The following PRKAR1A variants were observed in gnomAD, a reference collection of about 807,000 sequenced individuals.
PRKAR1A encodes protein kinase cAMP-dependent type I regulatory subunit alpha.
A neutral mutation model predicts 52.0 loss-of-function variants in PRKAR1A; 3 were observed. That is an observed-to-expected ratio of 0.06 (90% CI 0.03 to 0.15). PRKAR1A has a LOEUF of 0.15. Ranked by LOEUF, PRKAR1A falls within the 10% of genes least tolerant of loss-of-function variation. PRKAR1A has a pLI of 1.00. For missense variants in PRKAR1A, 240 were observed against 477.4 expected, an observed-to-expected ratio of 0.50 and a Z score of 4.63; for synonymous variants, 188 against 168.4, an observed-to-expected ratio of 1.12 and a Z score of -0.90.
intron 2 of PRKAR1A, among the ~76,000 whole-genome samples, chr17:68,516,009 G>C (rs972276997): frequency 3.3e-5 from 5 of 152,118 alleles, no homozygotes; most frequent in African/African-American, 1.2e-4. Context: ...AATGAAACAT[G>C]AATCTAGCTT....
chr17:68,426,093 A>G, the PRKAR1A span: 2 of 1,612,496 alleles, frequency 1.2e-6, no homozygotes, highest in Non-Finnish European at 1.7e-6. Flanking sequence ...ACTCATTCTC[A>G]TCATCAAGAC....
the PRKAR1A span, chr17:68,444,660 C>G: frequency 7.8e-7 from 1 of 1,281,592 alleles, no homozygotes; most frequent in South Asian, 1.3e-5. Context: ...CCAAATCATT[C>G]ATCTTTCATA....
the PRKAR1A span, among the ~76,000 whole-genome samples, chr17:68,464,791 C>T: frequency 2.0e-5 from 3 of 151,792 alleles, no homozygotes; most frequent in Non-Finnish European, 2.9e-5. Flanking sequence ...TTTCATAGAA[C>T]GAGGTGTAAG....
At chr17:68,417,398 G>A in the PRKAR1A span, among the ~76,000 whole-genome samples, 58,488 of 152,040 alleles carry the variant, frequency 0.38, 12,764 homozygotes, top group African/African-American at 0.61. Flanking sequence ...TTTTTCTCCA[G>A]TATTTACTGT....
the PRKAR1A span, among the ~76,000 whole-genome samples, chr17:68,449,641 C>T: frequency 6.6e-6 from 1 of 152,176 alleles, no homozygotes; most frequent in Non-Finnish European, 1.5e-5. Flanking sequence ...TGGTCCTGCT[C>T]CTGCCACGTA....
the PRKAR1A span, among the ~76,000 whole-genome samples, chr17:68,443,286 T>G: frequency 6.6e-6 from 1 of 152,064 alleles, no homozygotes; most frequent in African/African-American, 2.4e-5. Context: ...AATTTTTGTA[T>G]TTTTTTGGTA....
chr17:68,523,056 G>T, intron 3 of PRKAR1A, 130 bp downstream of exon 3: 1 of 1,133,906 alleles, frequency 8.8e-7, no homozygotes, highest in Non-Finnish European at 1.2e-6. Flanking sequence ...CAATTCTTGG[G>T]TACTGGAAAA....
chr17:68,450,420 G>A, the PRKAR1A span, among the ~76,000 whole-genome samples: 3 of 152,184 alleles, frequency 2.0e-5, no homozygotes, highest in African/African-American at 7.2e-5. Context: ...TGGCTCATGG[G>A]ACTGTCCAAG....
At chr17:68,459,539 T>C in the PRKAR1A span, among the ~76,000 whole-genome samples, 3 of 152,104 alleles carry the variant, frequency 2.0e-5, no homozygotes, top group Non-Finnish European at 4.4e-5. Context: ...GATCTAGAAG[T>C]CTTTAGGGGA....
chr17:68,546,658 G>A (rs2086580185), intron 11 of PRKAR1A, among the ~76,000 whole-genome samples: 1 of 152,102 alleles, frequency 6.6e-6, no homozygotes, highest in South Asian at 2.1e-4. Flanking sequence ...GTGAAACCCT[G>A]TCTCTACTAA....
rs578214713 is a variant in PRKAR1A at position 68,518,468 on chromosome 17, G to A, written c.177+2892G>A. 4.6e-5 allele frequency among the ~76,000 whole-genome samples: 7 copies of A among 152,360 alleles called. No homozygotes were observed. In the South Asian group the frequency reaches 1.4e-3, roughly 32 times the overall value. On this transcript the variant is annotated intron_variant, in intron 2 of 10. Transcript: ENST00000589228. ...TGCACCCACAGGCCCAGCACCACTT[G>A]TAAGCCACCAGGGCTTGGGGCTTGC...
At chr17:68,545,101 T>A (rs992312773) in intron 11 of PRKAR1A, among the ~76,000 whole-genome samples, 9 of 152,234 alleles carry the variant, frequency 5.9e-5, no homozygotes, top group African/African-American at 2.2e-4. Flanking sequence ...CGCCTTAAAT[T>A]ACTTACAGAA....
chr17:68,543,851 C>G (rs2086424774), intron 11 of PRKAR1A: 2 of 793,758 alleles, frequency 2.5e-6, no homozygotes, highest in Non-Finnish European at 4.3e-6. Flanking sequence ...CAGGCGATGG[C>G]ACGGCAAGTC....
At chr17:68,518,508 T>C (rs1435855327) in intron 2 of PRKAR1A, among the ~76,000 whole-genome samples, 1 of 152,220 alleles carries the variant, frequency 6.6e-6, no homozygotes, top group Non-Finnish European at 1.5e-5. Flanking sequence ...TCTGAAGTAA[T>C]GGCCAGAGCT....
chr17:68,435,193 C>G, the PRKAR1A span, among the ~76,000 whole-genome samples: 1 of 139,978 alleles, frequency 7.1e-6, no homozygotes, highest in Non-Finnish European at 1.5e-5. Flanking sequence ...GGCGACAGAG[C>G]TAGACTCCAC....
the PRKAR1A span, among the ~76,000 whole-genome samples, chr17:68,454,778 C>T: frequency 6.6e-6 from 1 of 152,326 alleles, no homozygotes; most frequent in Admixed American, 6.5e-5. Flanking sequence ...GAAAGAAATA[C>T]TGTAACTAGA....
At chr17:68,485,256 CT>C in the PRKAR1A span, among the ~76,000 whole-genome samples, 5 of 152,190 alleles carry the variant, frequency 3.3e-5, no homozygotes, top group African/African-American at 1.2e-4. Flanking sequence ...ATCAACTTCG[CT>C]TCCACAAATA....
chr17:68,421,686 C>A, the PRKAR1A span: 3 of 1,588,790 alleles, frequency 1.9e-6, no homozygotes, highest in Non-Finnish European at 2.6e-6. Flanking sequence ...TCTGCTCACA[C>A]AATTGCACTC....
the PRKAR1A span, among the ~76,000 whole-genome samples, chr17:68,446,630 C>T: frequency 6.6e-6 from 1 of 152,190 alleles, no homozygotes; most frequent in African/African-American, 2.4e-5. Context: ...GTGCCTTTTG[C>T]CAGCACATGC....
Sources: gnomAD v4.1 joint callset for allele counts (sites outside exome capture counted in the v4.1 genomes callset) on GRCh38, gnomAD v4.1.1 for gene constraint, MANE v1.5 for transcripts, NCBI Gene and HGNC (gene_info 2026-07-23, HGNC 2026-07-21) for gene names.